The following JAZF1 variants were observed in gnomAD, a reference collection of about 807,000 sequenced individuals.
JAZF1 encodes JAZF zinc finger 1.
In JAZF1, 8 loss-of-function variants were observed where a neutral mutation model predicts 26.4. The ratio of observed to expected loss-of-function variants is 0.30; its 90% CI spans 0.18 to 0.55. JAZF1 has a LOEUF of 0.55. Among genes scored for constraint, JAZF1 ranks in the 20% least tolerant of loss-of-function variants. The pLI is 0.94. For synonymous variants in JAZF1, 126 were observed against 122.3 expected (o/e 1.03, Z -0.20); for missense variants, 199 against 322.0 (o/e 0.62, Z 2.92).
chr7:28,120,501 C>CTTTTTTTTTTTTTTGTTTTTTTT (rs1782582870), intron 1 of JAZF1, among the ~76,000 whole-genome samples: 1 of 59,004 alleles, frequency 1.7e-5, no homozygotes, highest in Non-Finnish European at 2.8e-5. Context: ...ACACACAGTT[C>CTTTTTTTTTTTTTTGTTTTTTTT]TTTTTTTTTT....
In JAZF1 at chr7:28,007,209, C is replaced by T. The variant is rs192865965; in HGVS notation, c.116-15228G>A. ...GAATTATTTCTGGACCCAAATATTTCTCATGCCCAGTACTTCGGGAGGCCG... is the reference window on the plus strand; with the variant it reads ...GAATTATTTCTGGACCCAAATATTTTTCATGCCCAGTACTTCGGGAGGCCG... On this transcript the variant is annotated intron_variant, in intron 1 of 4. Coordinates refer to ENST00000283928, the MANE Select transcript of JAZF1 (RefSeq NM_175061.4). Among the ~76,000 whole-genome samples the T allele has an allele frequency of 4.6e-3, 708 of 152,300 alleles. 5 individuals are homozygous for T. The highest frequency in any genetic ancestry group is 7.0e-3 in the Non-Finnish European group (477 of 68,034).
At chr7:28,121,721 G>A (rs1359582034) in intron 1 of JAZF1, among the ~76,000 whole-genome samples, 3 of 152,078 alleles carry the variant, frequency 2.0e-5, no homozygotes, top group Non-Finnish European at 4.4e-5. Context: ...TTCTCTGTGG[G>A]GCCTAGAAAA....
intron 3 of JAZF1, among the ~76,000 whole-genome samples, chr7:27,882,495 T>C (rs1783791423): frequency 6.6e-6 from 1 of 152,232 alleles, no homozygotes; most frequent in Non-Finnish European, 1.5e-5. Context: ...ACAATCTCTT[T>C]GTCCATGGTC....
At chr7:27,856,526 T>C (rs994210686) in intron 3 of JAZF1, among the ~76,000 whole-genome samples, 2 of 152,226 alleles carry the variant, frequency 1.3e-5, no homozygotes, top group South Asian at 2.1e-4. Flanking sequence ...TCCTGCTGAT[T>C]GGTCCATTTT....
At chr7:28,143,019 C>T (rs928618078) in intron 1 of JAZF1, among the ~76,000 whole-genome samples, 1 of 152,202 alleles carries the variant, frequency 6.6e-6, no homozygotes, top group African/African-American at 2.4e-5. Context: ...TGCCTCCAAC[C>T]AGCTACTGAG....
chr7:27,840,499 C>A lies in JAZF1; in HGVS notation c.555+199G>T, dbSNP rs1453057404. On this transcript the variant is annotated intron_variant, in intron 4 of 4. Transcript: ENST00000283928. The surrounding 1 kb of genome is among the most constrained non-coding windows in gnomAD (Gnocchi z 5.1). ...AGGTGAGCAGAGGGGAAAGCCCCGG[C>A]AGCAGCGGTGGCGGGTGAGCACTTC... Among the ~76,000 whole-genome samples, 2 of 152,128 alleles carry A rather than the reference C, an allele frequency of 1.3e-5. No homozygotes were observed. The highest frequency in any genetic ancestry group is 2.9e-5 in the Non-Finnish European group (2 of 68,050).
chr7:27,891,902 C>T (rs1407388437), intron 3 of JAZF1, among the ~76,000 whole-genome samples: 3 of 152,062 alleles, frequency 2.0e-5, no homozygotes, highest in Non-Finnish European at 4.4e-5. Context: ...AAGAAATACT[C>T]GAAACTTTAG....
At chr7:27,992,116 G>A (rs1006834255) in intron 1 of JAZF1, 135 bp from the exon 2 acceptor site, 15 of 710,930 alleles carry the variant, frequency 2.1e-5, no homozygotes, top group African/African-American at 1.2e-4. Context: ...AAACTGAGTC[G>A]GCGAAGCACA....
rs1368519122 is a variant in JAZF1, at chr7:28,149,797, T to C, written c.115+30666A>G. ...GCTAAATAATTACTGATTAATTCAC[T>C]TAGCAGTCACCTCATTTTCTTCCCA... On this transcript the variant is annotated intron_variant, in intron 1 of 4. Coordinates refer to ENST00000283928, the MANE Select transcript of JAZF1 (RefSeq NM_175061.4). Among the ~76,000 whole-genome samples, 6 of 152,230 alleles carry C rather than the reference T, an allele frequency of 3.9e-5. No individual in the cohort carries two copies. In the South Asian group the frequency reaches 1.2e-3, roughly 32 times the overall value.
intron 1 of JAZF1, among the ~76,000 whole-genome samples, chr7:28,131,715 G>C (rs1782796715): frequency 6.6e-6 from 1 of 152,054 alleles, no homozygotes; most frequent in Non-Finnish European, 1.5e-5. Context: ...CCTACAATTT[G>C]CATAGAGTTT....
chr7:27,967,739 T>A (rs1785303380), intron 2 of JAZF1, among the ~76,000 whole-genome samples: 1 of 152,210 alleles, frequency 6.6e-6, no homozygotes, highest in Non-Finnish European at 1.5e-5. Flanking sequence ...AGAGATAAGA[T>A]GGATCAAAAA....
intron 2 of JAZF1, among the ~76,000 whole-genome samples, chr7:27,978,632 T>A (rs1785517763): frequency 6.6e-6 from 1 of 152,196 alleles, no homozygotes; most frequent in African/African-American, 2.4e-5. Context: ...ATATTACAAT[T>A]ACCTCAAACT....
In JAZF1 at chr7:27,840,360, T is replaced by C. The variant is rs113878387; in HGVS notation, c.555+338A>G. Among the ~76,000 whole-genome samples the C allele has an allele frequency of 2.0e-5, 3 of 152,352 alleles. No individual in the cohort carries two copies. Among genetic ancestry groups the C allele is most frequent in the African/African-American group, 7.2e-5 (3 of 41,582 alleles). On this transcript the variant is annotated intron_variant, in intron 4 of 4. Coordinates refer to ENST00000283928, the MANE Select transcript of JAZF1 (RefSeq NM_175061.4). This position sits in a 1 kb window ranked among gnomAD's most constrained non-coding sequence, Gnocchi z 5.1. ...GAAGGTGCTTGGCAAATAAAGTAGG[T>C]TGACATATTTGATATTCTGTTCTGA...
chr7:28,121,127 G>A (rs1351230719), intron 1 of JAZF1, among the ~76,000 whole-genome samples: 2 of 141,254 alleles, frequency 1.4e-5, no homozygotes, highest in African/African-American at 5.4e-5. Flanking sequence ...TTGAATCTGG[G>A]AGGCAGAAAT....
At chr7:27,971,726 G>C (rs911405018) in intron 2 of JAZF1, among the ~76,000 whole-genome samples, 1 of 152,206 alleles carries the variant, frequency 6.6e-6, no homozygotes, top group Non-Finnish European at 1.5e-5. Flanking sequence ...AATGAAATAA[G>C]AGAGGTGTAG....
At chr7:27,854,848 C>T (rs1340949914) in intron 3 of JAZF1, among the ~76,000 whole-genome samples, 2 of 152,116 alleles carry the variant, frequency 1.3e-5, no homozygotes, top group Non-Finnish European at 2.9e-5. Context: ...CTTGGGGTTG[C>T]TTTTCTCAAG....
At position 27,832,204 on chromosome 7, in the gene JAZF1, AAC is replaced by A. The variant is rs2128329418; in HGVS notation, c.*594_*595del. 4.7e-6 allele frequency: 1 copy of A among 212,290 alleles called. No homozygotes were observed. Among genetic ancestry groups the A allele is most frequent in the East Asian group, 7.2e-5 (1 of 13,982 alleles). 13.2% of individuals were successfully genotyped at this position (212,290 alleles called of 1,614,324 possible). A position where few individuals can be genotyped will look rare whatever the true frequency, so the allele number is the denominator to read the frequency against. ...CAAAAGGATTTGCAAGATAATATAA[AAC>A]ACAGAAAGCACACCTTTACGTATGT... On this transcript the variant is annotated 3_prime_UTR_variant, in exon 5 of 5. Coordinates refer to ENST00000283928, the MANE Select transcript of JAZF1 (RefSeq NM_175061.4).
chr7:27,974,311 G>A (rs557033506), intron 2 of JAZF1, among the ~76,000 whole-genome samples: 2 of 152,286 alleles, frequency 1.3e-5, no homozygotes, highest in South Asian at 2.1e-4. Flanking sequence ...TGCTAGGGAC[G>A]AAACTTAGGG....
Position 27,928,209 on chromosome 7 carries a change from G to A in JAZF1, c.189-32793C>T, listed in dbSNP as rs1230236605. On this transcript the variant is annotated intron_variant, in intron 2 of 4. Coordinates refer to ENST00000283928, the MANE Select transcript of JAZF1 (RefSeq NM_175061.4). ...TGGTTTCAGTTAGGCAATAGTCTTT[G>A]GCCAGCATTTTCTGGTACATTTGAA... Among the ~76,000 whole-genome samples, 14 of 152,246 alleles carry A rather than the reference G, an allele frequency of 9.2e-5. No individual in the cohort carries two copies. In the East Asian group the frequency reaches 2.7e-3, roughly 29 times the overall value.
Sources: gnomAD v4.1 joint callset for allele counts (sites outside exome capture counted in the v4.1 genomes callset) on GRCh38, gnomAD v4.1.1 for gene constraint, Gnocchi (gnomAD v3.1) non-coding constraint, MANE v1.5 for transcripts, NCBI Gene and HGNC (gene_info 2026-07-23, HGNC 2026-07-21) for gene names.